The following EPB41L5 variants were observed in gnomAD, a reference collection of about 807,000 sequenced individuals.
EPB41L5 encodes erythrocyte membrane protein band 4.1 like 5.
EPB41L5 carries 55 observed loss-of-function variants against 106.6 expected under a neutral mutation model. That is an observed-to-expected ratio of 0.52 (90% confidence interval 0.42 to 0.65). The LOEUF (loss-of-function observed/expected upper bound fraction) is 0.65. Ranked by LOEUF, EPB41L5 falls within the 30% of genes least tolerant of loss-of-function variation. The pLI is 0.00. For synonymous variants in EPB41L5, 297 were observed against 306.7 expected (o/e 0.97, Z 0.33); for missense variants, 871 against 882.1 (o/e 0.99, Z 0.16).
chr2:120,116,363 C>T (rs1303325299), intron 16 of EPB41L5, among the ~76,000 whole-genome samples: 1 of 152,128 alleles, frequency 6.6e-6, no homozygotes, highest in East Asian at 1.9e-4. Flanking sequence ...GTGCGCTTTC[C>T]TTTTCCTATA....
chr2:120,146,352 C>A, intron 20 of EPB41L5, 63 bp downstream of exon 20: 1 of 1,221,078 alleles, frequency 8.2e-7, no homozygotes, highest in Non-Finnish European at 1.2e-6. Context: ...TTTTTTTCTT[C>A]TCAGTCTGTC....
chr2:120,050,357 TCA>T (rs1191641304), intron 3 of EPB41L5, among the ~76,000 whole-genome samples: 3 of 152,228 alleles, frequency 2.0e-5, no homozygotes, highest in African/African-American at 7.2e-5. Flanking sequence ...GAGGCTTTAT[TCA>T]TTTCTTTTTA....
intron 2 of EPB41L5, among the ~76,000 whole-genome samples, chr2:120,039,828 GAA>G (rs564488728): frequency 1.2e-4 from 10 of 86,444 alleles, no homozygotes; most frequent in Admixed American, 3.9e-4. Flanking sequence ...TCTGTCTCAG[GAA>G]AAAAAAAAAA....
intron 2 of EPB41L5, among the ~76,000 whole-genome samples, chr2:120,031,234 A>T (rs1211375261): frequency 6.6e-6 from 1 of 152,170 alleles, no homozygotes; most frequent in Non-Finnish European, 1.5e-5. Context: ...GTAATAATAA[A>T]ACTCCAGTCT....
rs139922061 is a variant in EPB41L5, at chr2:120,107,849, A to G, written c.1337+7035A>G. 7.2e-5 allele frequency among the ~76,000 whole-genome samples: 11 copies of G among 152,328 alleles called. 1 individual carries two copies. The East Asian group carries it at 2.1e-3, about 29-fold the overall frequency. On this transcript the variant is annotated intron_variant, in intron 16 of 24. Transcript: ENST00000263713. The stretch of plus-strand genomic sequence containing the variant: ...AAGCATGTCACTTTCAGTGTAAAAT[A>G]TGTCAAGGAACTTCATTTCTTTCAT...
At chr2:120,158,174 A>T (rs1246980418) in intron 20 of EPB41L5, among the ~76,000 whole-genome samples, 3 of 152,232 alleles carry the variant, frequency 2.0e-5, no homozygotes, top group Non-Finnish European at 4.4e-5. Flanking sequence ...ATGTGCAAAG[A>T]AGTGCTGGTA....
At chr2:120,133,964 A>G (rs1685814495) in intron 18 of EPB41L5, among the ~76,000 whole-genome samples, 1 of 152,138 alleles carries the variant, frequency 6.6e-6, no homozygotes, top group African/African-American at 2.4e-5. Context: ...CCTCCATTTC[A>G]GGCCCCACCT....
At chr2:120,038,257 G>A (rs553276249) in intron 2 of EPB41L5, among the ~76,000 whole-genome samples, 172 of 152,256 alleles carry the variant, frequency 1.1e-3, no homozygotes, top group Non-Finnish European at 1.8e-3. Context: ...TGGCTAATAA[G>A]CACATTAAAA....
intron 2 of EPB41L5, among the ~76,000 whole-genome samples, chr2:120,025,745 T>C (rs1241962925): frequency 6.6e-6 from 1 of 152,216 alleles, no homozygotes; most frequent in Non-Finnish European, 1.5e-5. Flanking sequence ...GCAGTCCCCA[T>C]GAGAATTCCA....
chr2:120,146,985 ATAGT>A (rs771045237), intron 20 of EPB41L5, among the ~76,000 whole-genome samples: 12 of 152,202 alleles, frequency 7.9e-5, no homozygotes, highest in African/African-American at 1.9e-4. Flanking sequence ...TTATATTATA[ATAGT>A]TAGTACTCAG....
At chr2:120,145,441 G>A (rs191655180) in intron 19 of EPB41L5, among the ~76,000 whole-genome samples, 7 of 152,306 alleles carry the variant, frequency 4.6e-5, no homozygotes, top group Admixed American at 1.3e-4. Context: ...AGATGGAAAG[G>A]ATAGGTACTG....
intron 3 of EPB41L5, among the ~76,000 whole-genome samples, chr2:120,059,000 G>A (rs1680850479): frequency 6.6e-6 from 1 of 152,112 alleles, no homozygotes; most frequent in African/African-American, 2.4e-5. Context: ...AATGGCTAAA[G>A]TAATTTTAAA....
intron 3 of EPB41L5, among the ~76,000 whole-genome samples, chr2:120,044,352 G>T (rs1679627504): frequency 6.6e-6 from 1 of 152,132 alleles, no homozygotes; most frequent in African/African-American, 2.4e-5. Context: ...CCAGCAGGTA[G>T]TAGGCACACA....
At chr2:120,037,047 A>G (rs925669127) in intron 2 of EPB41L5, among the ~76,000 whole-genome samples, 1 of 152,124 alleles carries the variant, frequency 6.6e-6, no homozygotes, top group African/African-American at 2.4e-5. Context: ...AATTATCTCT[A>G]TTTAAGATGA....
chr2:120,175,664 G>A lies in EPB41L5; in HGVS notation c.*757G>A, dbSNP rs1188713793. ...ACACGTATCATGTAACTTATCAGTGGGGTGGGTTACTGTTGAAGAGACCCT... is the reference window on the plus strand; with the variant it reads ...ACACGTATCATGTAACTTATCAGTGAGGTGGGTTACTGTTGAAGAGACCCT... On this transcript the variant is annotated 3_prime_UTR_variant, in exon 25 of 25. Coordinates refer to ENST00000263713, the MANE Select transcript of EPB41L5 (RefSeq NM_020909.4). 1 of 151,998 alleles carries A rather than the reference G, an allele frequency of 6.6e-6. No individual in the cohort carries two copies. The highest frequency in any genetic ancestry group is 2.4e-5 in the African/African-American group (1 of 41,346). The allele number at this position is 151,998 out of a possible 1,614,324, so 9.4% of individuals were successfully genotyped here.
At chr2:120,130,851 C>T (rs1386319985) in intron 17 of EPB41L5, among the ~76,000 whole-genome samples, 3 of 152,176 alleles carry the variant, frequency 2.0e-5, no homozygotes, top group African/African-American at 7.2e-5. Flanking sequence ...GATATGATTT[C>T]AAAGTTTCCC....
intron 24 of EPB41L5, among the ~76,000 whole-genome samples, chr2:120,172,459 G>A (rs1486086010): frequency 6.6e-6 from 1 of 152,206 alleles, no homozygotes; most frequent in Non-Finnish European, 1.5e-5. Context: ...ACTGACAGCT[G>A]GAGATATTGG....
rs111610533 is a variant in EPB41L5, at chr2:120,177,307, T to C, written c.*2400T>C. 4.3e-4 allele frequency: 63 copies of C among 147,868 alleles called. No individual in the cohort carries two copies. The highest frequency in any genetic ancestry group is 1.5e-3 in the African/African-American group (59 of 39,866). 9.2% of individuals were successfully genotyped at this position (147,868 alleles called of 1,614,324 possible). A position where few individuals can be genotyped will look rare whatever the true frequency, so the allele number is the denominator to read the frequency against. The stretch of plus-strand genomic sequence containing the variant: ...GAGAAAGGTTGGAGATGATAGTGGG[T>C]GAGAAGCAGGCTGGTGAGACTGGGC... On this transcript the variant is annotated 3_prime_UTR_variant, in exon 25 of 25. Transcript: ENST00000263713.
intron 18 of EPB41L5, among the ~76,000 whole-genome samples, chr2:120,138,448 GA>G (rs1375413280): frequency 7.2e-5 from 11 of 151,780 alleles, no homozygotes; most frequent in Admixed American, 6.6e-4. Flanking sequence ...AAAAACTAAA[GA>G]AAAAGAAAAA....
Sources: gnomAD v4.1 joint callset for allele counts (sites outside exome capture counted in the v4.1 genomes callset) on GRCh38, gnomAD v4.1.1 for gene constraint, MANE v1.5 for transcripts, NCBI Gene and HGNC (gene_info 2026-07-23, HGNC 2026-07-21) for gene names.